The following MBOAT2 variants were observed in gnomAD, a reference collection of about 807,000 sequenced individuals.
MBOAT2 encodes the protein membrane-bound glycerophospholipid O-acyltransferase 2.
In MBOAT2, 28 loss-of-function variants were observed where a neutral mutation model predicts 63.4. That is an observed-to-expected ratio of 0.44 (90% confidence interval 0.33 to 0.61). The LOEUF is 0.61. MBOAT2 is among the 20% of genes least tolerant of loss of function. The probability of loss-of-function intolerance (pLI) is 0.03; values close to 1 mark genes in which losing one functional copy is unlikely to be tolerated. For synonymous variants in MBOAT2, 211 were observed against 215.6 expected (o/e 0.98, Z 0.19); for missense variants, 470 against 605.8 (o/e 0.78, Z 2.35).
At chr2:8,943,878 T>C (rs1351857765) in intron 2 of MBOAT2, among the ~76,000 whole-genome samples, 8 of 152,206 alleles carry the variant, frequency 5.3e-5, no homozygotes, top group Admixed American at 1.3e-4. Context: ...TCTTTTCTTT[T>C]TTTGAGGTGG....
At chr2:8,929,992 C>A (rs1438808780) in intron 3 of MBOAT2, among the ~76,000 whole-genome samples, 1 of 152,164 alleles carries the variant, frequency 6.6e-6, no homozygotes, top group Non-Finnish European at 1.5e-5. Flanking sequence ...CTCTCCCTTC[C>A]CCTCCCCTGA....
chr2:8,858,983 C>A, intron 12 of MBOAT2, 79 bp from the exon 13 acceptor site: 1 of 990,668 alleles, frequency 1.0e-6, no homozygotes, highest in South Asian at 1.6e-5. Context: ...CAAAATGTCA[C>A]ATGGCCCACC....
chr2:8,910,022 C>T (rs1665600227), intron 3 of MBOAT2, among the ~76,000 whole-genome samples: 1 of 152,182 alleles, frequency 6.6e-6, no homozygotes, highest in African/African-American at 2.4e-5. Flanking sequence ...ACAGAAGCAA[C>T]ATTTTGCTAG....
At chr2:8,962,386 TCTC>T (rs1302626197) in intron 1 of MBOAT2, among the ~76,000 whole-genome samples, 1 of 152,188 alleles carries the variant, frequency 6.6e-6, no homozygotes, top group East Asian at 1.9e-4. Context: ...CTGATTCTCT[TCTC>T]CTTCTGGGTA....
intron 6 of MBOAT2, among the ~76,000 whole-genome samples, chr2:8,880,538 G>A (rs1663036159): frequency 6.6e-6 from 1 of 152,232 alleles, no homozygotes; most frequent in East Asian, 1.9e-4. Flanking sequence ...CTGGAGCCGA[G>A]GGGAGTGGAT....
rs1661184193 is a variant in MBOAT2, at chr2:8,857,623, G to A, written c.*1056C>T. ...CCCAAATATGAATTAAATTGTCAAG[G>A]ATAAGAAATGGATTAGCCAGATAGT... On this transcript the variant is annotated 3_prime_UTR_variant, in exon 13 of 13. Transcript: ENST00000305997. 1 of 152,114 alleles carries A rather than the reference G, an allele frequency of 6.6e-6. No homozygotes were observed. The highest frequency in any genetic ancestry group is 1.5e-5 in the Non-Finnish European group (1 of 67,998). 9.4% of individuals were successfully genotyped at this position (152,114 alleles called of 1,614,324 possible). A position where few individuals can be genotyped will look rare whatever the true frequency, so the allele number is the denominator to read the frequency against.
rs551738959 is a variant in MBOAT2, at chr2:8,858,410, C to T, written c.*269G>A. 4 of 342,886 alleles carry T rather than the reference C, an allele frequency of 1.2e-5. No homozygotes were observed. Among genetic ancestry groups the T allele is most frequent in the South Asian group, 7.9e-5 (1 of 12,638 alleles). The allele number at this position is 342,886 out of a possible 1,614,324, so 21.2% of individuals were successfully genotyped here. On this transcript the variant is annotated 3_prime_UTR_variant, in exon 13 of 13. Transcript: ENST00000305997. ...GCAACATACATTCAGCAACAGGGCA[C>T]GCGTGTGACCCTACGGACAAGTGCT...
At chr2:8,943,433 C>A (rs958094115) in intron 2 of MBOAT2, among the ~76,000 whole-genome samples, 169 bp from the exon 3 acceptor site, 1 of 152,124 alleles carries the variant, frequency 6.6e-6, no homozygotes, top group Admixed American at 6.5e-5. Context: ...AGAGAGAGTC[C>A]CATACCACAG....
At chr2:8,957,017 T>C (rs1011475998) in intron 2 of MBOAT2, among the ~76,000 whole-genome samples, 3 of 152,206 alleles carry the variant, frequency 2.0e-5, no homozygotes, top group Non-Finnish European at 2.9e-5. Context: ...CAATGCATTA[T>C]GAAAATATGC....
chr2:8,982,364 C>T (rs574869686), intron 1 of MBOAT2, among the ~76,000 whole-genome samples: 1 of 150,400 alleles, frequency 6.6e-6, no homozygotes, highest in East Asian at 1.9e-4. Context: ...AGAAACTAAA[C>T]TTAACAATGA....
chr2:8,925,390 C>G (rs1666863772), intron 3 of MBOAT2, among the ~76,000 whole-genome samples: 1 of 152,136 alleles, frequency 6.6e-6, no homozygotes, highest in African/African-American at 2.4e-5. Context: ...CACTTAAAAG[C>G]AAGGGCAACA....
chr2:8,960,048 G>T (rs1669503650), intron 1 of MBOAT2, among the ~76,000 whole-genome samples: 1 of 152,140 alleles, frequency 6.6e-6, no homozygotes, highest in Non-Finnish European at 1.5e-5. Flanking sequence ...GTTGTACACT[G>T]TCTAAGAAAC....
At chr2:8,874,230 G>A (rs1213895235) in intron 7 of MBOAT2, among the ~76,000 whole-genome samples, 1 of 152,206 alleles carries the variant, frequency 6.6e-6, no homozygotes, top group Non-Finnish European at 1.5e-5. Flanking sequence ...TCTGAGAACA[G>A]TATTTTATTA....
At chr2:8,887,402 G>A (rs1381917594) in intron 5 of MBOAT2, among the ~76,000 whole-genome samples, 4 of 152,086 alleles carry the variant, frequency 2.6e-5, no homozygotes, top group South Asian at 2.1e-4. Context: ...AAACCTGCCC[G>A]GGGAGTGGGC....
Position 8,862,967 on chromosome 2 carries a change from T to C in MBOAT2, c.1053-245A>G, listed in dbSNP as rs1453803990. On this transcript the variant is annotated intron_variant, in intron 10 of 12. Transcript: ENST00000305997. The surrounding 1 kb of genome is among the most constrained non-coding windows in gnomAD (Gnocchi z 4.3). The stretch of plus-strand genomic sequence containing the variant: ...TATATAGTATATATATTGGTATATA[T>C]AGTAACTTAAATGATCATTTCTAGT... 1.3e-5 allele frequency among the ~76,000 whole-genome samples: 2 copies of C among 152,082 alleles called. No individual in the cohort carries two copies. The highest frequency in any genetic ancestry group is 2.1e-4 in the South Asian group (1 of 4,822).
At chr2:8,875,722 G>C (rs1482311894) in intron 7 of MBOAT2, among the ~76,000 whole-genome samples, 3 of 152,280 alleles carry the variant, frequency 2.0e-5, no homozygotes, top group African/African-American at 7.2e-5. Flanking sequence ...TTCTCTTACA[G>C]CAGGGAGACC....
intron 3 of MBOAT2, among the ~76,000 whole-genome samples, chr2:8,934,220 A>T (rs1165874444): frequency 2.0e-5 from 3 of 152,194 alleles, no homozygotes; most frequent in African/African-American, 4.8e-5. Context: ...ATATATGCAT[A>T]TTTGCTCTGA....
At chr2:8,868,674 T>A in intron 8 of MBOAT2, 125 bp from the exon 9 acceptor site, 2 of 777,912 alleles carry the variant, frequency 2.6e-6, no homozygotes, top group Non-Finnish European at 4.0e-6. Context: ...ATTCTGATTT[T>A]TAAGTCAGAA....
chr2:8,934,849 GA>G (rs1288321955), intron 3 of MBOAT2, among the ~76,000 whole-genome samples: 2 of 152,292 alleles, frequency 1.3e-5, no homozygotes, highest in Non-Finnish European at 2.9e-5. Context: ...TTAACTCCAT[GA>G]GGACACATTT....
Sources: allele counts gnomAD v4.1 joint callset (sites outside exome capture counted in the v4.1 genomes callset), GRCh38; gene constraint gnomAD v4.1.1; non-coding constraint Gnocchi (gnomAD v3.1); transcripts MANE v1.5; gene names NCBI Gene and HGNC (gene_info 2026-07-23, HGNC 2026-07-21).